EPHA7: variants seen among roughly 807,000 people sequenced by gnomAD.
EPHA7 encodes the protein EPH receptor A7, also known as ephrin type-A receptor 7.
In EPHA7, 25 loss-of-function variants were observed where a neutral mutation model predicts 112.6. The observed-to-expected ratio is 0.22, with a 90% CI of 0.16 to 0.31. The LOEUF (loss-of-function observed/expected upper bound fraction) is 0.31. EPHA7 is among the 10% of genes least tolerant of loss of function. The pLI is 1.00. For missense variants in EPHA7, 962 were observed against 1,212.6 expected, an observed-to-expected ratio of 0.79 and a Z score of 3.07; for synonymous variants, 437 against 406.5, an observed-to-expected ratio of 1.07 and a Z score of -0.90.
At chr6:93,317,789 G>A (rs1198055667) in intron 5 of EPHA7, among the ~76,000 whole-genome samples, 1 of 152,114 alleles carries the variant, frequency 6.6e-6, no homozygotes, top group Non-Finnish European at 1.5e-5. Flanking sequence ...CCTACAATAT[G>A]TGAAGCTGGC....
intron 14 of EPHA7, among the ~76,000 whole-genome samples, chr6:93,249,736 T>C (rs1770121307): frequency 6.6e-6 from 1 of 152,152 alleles, no homozygotes. Context: ...TGATCTTTCC[T>C]TTTTTCTTTC....
chr6:93,339,326 C>T (rs1775029415), intron 5 of EPHA7, among the ~76,000 whole-genome samples: 1 of 151,644 alleles, frequency 6.6e-6, no homozygotes, highest in Non-Finnish European at 1.5e-5. Flanking sequence ...GAGAGGGTTA[C>T]ATATTGTGAG....
intron 3 of EPHA7, among the ~76,000 whole-genome samples, chr6:93,402,771 G>T (rs1476167148): frequency 6.6e-6 from 1 of 151,460 alleles, no homozygotes; most frequent in African/African-American, 2.4e-5. Context: ...TATATAATTT[G>T]GAAGCAAACA....
chr6:93,317,225 C>T (rs949990408), intron 5 of EPHA7, among the ~76,000 whole-genome samples: 1 of 152,030 alleles, frequency 6.6e-6, no homozygotes, highest in Non-Finnish European at 1.5e-5. Context: ...AACTTTCTGG[C>T]TTTGGAATTT....
intron 3 of EPHA7, among the ~76,000 whole-genome samples, chr6:93,381,442 T>C (rs1777329858): frequency 6.6e-6 from 1 of 152,170 alleles, no homozygotes; most frequent in Non-Finnish European, 1.5e-5. Flanking sequence ...GTTTATATTT[T>C]AGAAAATCTT....
chr6:93,308,646 C>T (rs1165842418), intron 5 of EPHA7, among the ~76,000 whole-genome samples: 1 of 150,724 alleles, frequency 6.6e-6, no homozygotes, highest in African/African-American at 2.4e-5. Flanking sequence ...AAATAATTGT[C>T]AAACTAGTTG....
intron 3 of EPHA7, among the ~76,000 whole-genome samples, chr6:93,404,577 T>A (rs1489050052): frequency 6.6e-6 from 1 of 150,484 alleles, no homozygotes; most frequent in Non-Finnish European, 1.5e-5. Context: ...CAAACTTATA[T>A]AAGATATATA....
intron 5 of EPHA7, among the ~76,000 whole-genome samples, chr6:93,301,455 G>A (rs1018886960): frequency 4.6e-5 from 7 of 152,058 alleles, no homozygotes; most frequent in Admixed American, 6.6e-5. Flanking sequence ...TTTGGGAAAC[G>A]TAGACAACAT....
chr6:93,410,246 G>C lies in EPHA7; in HGVS notation c.832+255C>G. The C allele has an allele frequency of 4.8e-6, 2 of 417,062 alleles. No individual in the cohort carries two copies. Among genetic ancestry groups the C allele is most frequent in the Admixed American group, 3.9e-5 (1 of 25,920 alleles). 25.8% of individuals were successfully genotyped at this position (417,062 alleles called of 1,614,324 possible). ...CTCCATAGCCCAACGTGCAACTATT[G>C]ACTTCCATGTTAAGCATAGGACACA... On this transcript the variant is annotated intron_variant, in intron 3 of 16. Coordinates refer to ENST00000369303, the MANE Select transcript of EPHA7 (RefSeq NM_004440.4). This position sits in a 1 kb window ranked among gnomAD's most constrained non-coding sequence, Gnocchi z 4.0.
intron 3 of EPHA7, among the ~76,000 whole-genome samples, chr6:93,405,582 T>G (rs567664445): frequency 6.6e-6 from 1 of 151,594 alleles, no homozygotes; most frequent in African/African-American, 2.4e-5. Context: ...ATTTTTAGGA[T>G]TTGTACATAC....
chr6:93,392,054 G>C (rs550371204), intron 3 of EPHA7, among the ~76,000 whole-genome samples: 1 of 152,008 alleles, frequency 6.6e-6, no homozygotes, highest in South Asian at 2.1e-4. Flanking sequence ...AAATTATACA[G>C]TACATTCTCC....
At chr6:93,276,687 G>T (rs1771488311) in intron 5 of EPHA7, among the ~76,000 whole-genome samples, 1 of 152,078 alleles carries the variant, frequency 6.6e-6, no homozygotes, top group Non-Finnish European at 1.5e-5. Flanking sequence ...AAACAGGCTA[G>T]TGATTGCATA....
intron 5 of EPHA7, among the ~76,000 whole-genome samples, chr6:93,332,152 T>C (rs1774625827): frequency 6.6e-6 from 1 of 151,614 alleles, no homozygotes; most frequent in Non-Finnish European, 1.5e-5. Flanking sequence ...GTATTTACAG[T>C]GAAGCTCAAT....
At chr6:93,303,280 A>T (rs777051023) in intron 5 of EPHA7, among the ~76,000 whole-genome samples, 1 of 152,094 alleles carries the variant, frequency 6.6e-6, no homozygotes, top group Non-Finnish European at 1.5e-5. Context: ...AGTGTTAAGC[A>T]CTTCTCACTA....
intron 9 of EPHA7, chr6:93,260,446 G>C: frequency 1.4e-6 from 1 of 716,906 alleles, no homozygotes; most frequent in South Asian, 6.4e-5. Flanking sequence ...CATATATTTG[G>C]TTATATTAAT....
chr6:93,281,389 A>G (rs925776507), intron 5 of EPHA7, among the ~76,000 whole-genome samples: 4 of 152,188 alleles, frequency 2.6e-5, no homozygotes, highest in Admixed American at 1.3e-4. Flanking sequence ...CAGTCAGTAA[A>G]CTGGCTCCAT....
chr6:93,283,279 A>G (rs949289553), intron 5 of EPHA7, among the ~76,000 whole-genome samples: 1 of 152,154 alleles, frequency 6.6e-6, no homozygotes, highest in African/African-American at 2.4e-5. Flanking sequence ...CAGGGATTGT[A>G]AACACACCAA....
chr6:93,407,477 C>T (rs867726812), intron 3 of EPHA7, among the ~76,000 whole-genome samples: 2 of 152,034 alleles, frequency 1.3e-5, no homozygotes, highest in African/African-American at 4.8e-5. Flanking sequence ...TGCAAATGAA[C>T]ATAGTTCCAT....
chr6:93,403,248 TCTTTG>T (rs1421798288), intron 3 of EPHA7, among the ~76,000 whole-genome samples: 1 of 151,838 alleles, frequency 6.6e-6, no homozygotes, highest in African/African-American at 2.4e-5. Flanking sequence ...AGAAAGAAAA[TCTTTG>T]CTTTGCCAGT....
Sources: allele counts gnomAD v4.1 joint callset (sites outside exome capture counted in the v4.1 genomes callset), GRCh38; gene constraint gnomAD v4.1.1; non-coding constraint Gnocchi (gnomAD v3.1); transcripts MANE v1.5; gene names NCBI Gene and HGNC (gene_info 2026-07-23, HGNC 2026-07-21).